Variants in EYS observed in about 807,000 individuals in gnomAD.
EYS encodes EGF-like photoreceptor maintenance factor, also known as protein eyes shut homolog.
Under a neutral mutation model 282.1 loss-of-function variants are expected in EYS, and 250 were observed. The ratio of observed to expected loss-of-function variants is 0.89; its 90% confidence interval spans 0.80 to 0.98. The LOEUF is 0.98. Ranked by LOEUF, EYS falls within the 50% of genes least tolerant of loss-of-function variation. The pLI, the probability that EYS is intolerant of heterozygous loss-of-function variation, is 0.00. For synonymous variants in EYS, 1,355 were observed against 1,282.9 expected (o/e 1.06, Z -1.20); for missense variants, 4,016 against 3,709.0 (o/e 1.08, Z -2.15).
intron 12 of EYS, among the ~76,000 whole-genome samples, chr6:65,269,933 T>C (rs1267468410): frequency 6.6e-6 from 1 of 151,976 alleles, no homozygotes; most frequent in African/African-American, 2.4e-5. Flanking sequence ...TTTCTATTCT[T>C]CCCCCCAAAT....
At chr6:65,373,141 C>A (rs1015885956) in intron 8 of EYS, among the ~76,000 whole-genome samples, 7 of 152,100 alleles carry the variant, frequency 4.6e-5, no homozygotes, top group African/African-American at 1.7e-4. Context: ...TAAACTTGGT[C>A]TTAAGTTAAA....
At chr6:64,753,764 T>G (rs1213261156) in intron 22 of EYS, among the ~76,000 whole-genome samples, 1 of 151,960 alleles carries the variant, frequency 6.6e-6, no homozygotes, top group African/African-American at 2.4e-5. Flanking sequence ...ACCTAATAGA[T>G]GTCTACAGAA....
intron 33 of EYS, among the ~76,000 whole-genome samples, chr6:64,029,639 C>G (rs751515488): frequency 2.0e-5 from 3 of 152,210 alleles, no homozygotes; most frequent in Non-Finnish European, 2.9e-5. Flanking sequence ...TAGAAGTCCC[C>G]TTAACTAATC....
intron 22 of EYS, among the ~76,000 whole-genome samples, chr6:64,695,778 T>C (rs891629232): frequency 1.3e-5 from 2 of 151,420 alleles, no homozygotes; most frequent in African/African-American, 4.9e-5. Context: ...AGAGATGGGG[T>C]TTCACTATGT....
chr6:64,886,669 G>C (rs1227775162), intron 19 of EYS, 28 bp downstream of exon 19: 2 of 1,495,784 alleles, frequency 1.3e-6, no homozygotes, highest in East Asian at 5.3e-5. Flanking sequence ...GAAATATGTT[G>C]CTGCACATGG....
Position 63,911,221 on chromosome 6 carries a change from C to T in EYS, c.7056-46863G>A, listed in dbSNP as rs1164543790. Among the ~76,000 whole-genome samples, 24 of 151,942 alleles carry T rather than the reference C, an allele frequency of 1.6e-4. No homozygotes were observed. In the South Asian group the frequency reaches 4.0e-3, roughly 25 times the overall value. On this transcript the variant is annotated intron_variant, in intron 35 of 42. Transcript: ENST00000503581. Reference sequence around the variant, plus strand: ...CTTTATCAGCTCCATTAGCAGTTGACGCCAATAAAAATCTGAGGTCAACTT... The same window carrying T: ...CTTTATCAGCTCCATTAGCAGTTGATGCCAATAAAAATCTGAGGTCAACTT...
chr6:64,201,600 G>A (rs1005308769), intron 31 of EYS, among the ~76,000 whole-genome samples: 9 of 151,912 alleles, frequency 5.9e-5, no homozygotes, highest in East Asian at 3.9e-4. Flanking sequence ...GCCCTATTAC[G>A]TTGAAAAAAA....
intron 22 of EYS, among the ~76,000 whole-genome samples, chr6:64,691,708 G>A (rs1287219671): frequency 6.6e-6 from 1 of 152,052 alleles, no homozygotes; most frequent in Non-Finnish European, 1.5e-5. Flanking sequence ...ATGTCAATGT[G>A]TGTTCAATGT....
At chr6:64,644,306 AT>A (rs1298670671) in intron 22 of EYS, among the ~76,000 whole-genome samples, 11 of 65,864 alleles carry the variant, frequency 1.7e-4, no homozygotes, top group African/African-American at 5.5e-4. Flanking sequence ...ATATGACTTA[AT>A]TAGGCAGAGT....
chr6:64,150,502 C>T (rs61214581), intron 31 of EYS, among the ~76,000 whole-genome samples: 5,532 of 151,964 alleles, frequency 0.036, 307 homozygotes, highest in African/African-American at 0.13. Context: ...AAATGTACTA[C>T]GAAATATTTT....
At chr6:65,429,037 G>A (rs1012448951) in intron 5 of EYS, among the ~76,000 whole-genome samples, 1 of 151,970 alleles carries the variant, frequency 6.6e-6, no homozygotes, top group Non-Finnish European at 1.5e-5. Context: ...AAAATTAGCC[G>A]GGCATGGTGG....
chr6:63,724,362 A>G (rs530836296), intron 42 of EYS, among the ~76,000 whole-genome samples: 1 of 152,282 alleles, frequency 6.6e-6, no homozygotes, highest in Admixed American at 6.5e-5. Context: ...TATCAGGGGA[A>G]TTGTATATAC....
At chr6:64,073,842 C>T (rs1771675195) in intron 32 of EYS, among the ~76,000 whole-genome samples, 1 of 151,404 alleles carries the variant, frequency 6.6e-6, no homozygotes, top group Admixed American at 6.6e-5. Context: ...TGGAACATTT[C>T]CCCCATAATG....
At chr6:65,641,466 T>C (rs1050950322) in intron 1 of EYS, among the ~76,000 whole-genome samples, 4 of 152,220 alleles carry the variant, frequency 2.6e-5, no homozygotes, top group African/African-American at 9.6e-5. Context: ...TGTCCACCCA[T>C]ACTGGTTCTT....
intron 35 of EYS, among the ~76,000 whole-genome samples, chr6:63,896,695 T>C (rs941984560): frequency 3.1e-4 from 47 of 152,238 alleles, no homozygotes; most frequent in Admixed American, 1.3e-4. Flanking sequence ...CAAAATTCTC[T>C]GTGCTCTGCC....
intron 7 of EYS, among the ~76,000 whole-genome samples, chr6:65,398,184 A>C (rs1766361204): frequency 6.6e-6 from 1 of 151,978 alleles, no homozygotes; most frequent in South Asian, 2.1e-4. Flanking sequence ...TTCCTTGAAA[A>C]TGTTTCTCCT....
chr6:64,469,257 T>C (rs983116315), intron 26 of EYS, among the ~76,000 whole-genome samples: 3 of 152,134 alleles, frequency 2.0e-5, no homozygotes, highest in Non-Finnish European at 2.9e-5. Flanking sequence ...GCTAAGCAAC[T>C]CTAATAATAA....
chr6:64,077,464 C>A (rs1446842625), intron 32 of EYS, among the ~76,000 whole-genome samples: 1 of 151,904 alleles, frequency 6.6e-6, no homozygotes, highest in East Asian at 1.9e-4. Context: ...TCCATAAATG[C>A]AAATGAAGAG....
At chr6:63,878,304 C>T (rs373207645) in intron 35 of EYS, among the ~76,000 whole-genome samples, 18 of 152,292 alleles carry the variant, frequency 1.2e-4, no homozygotes, top group South Asian at 2.1e-4. Context: ...TATTGTAGAA[C>T]GGCAGATGTT....
Sources: allele counts gnomAD v4.1 joint callset (sites outside exome capture counted in the v4.1 genomes callset), GRCh38; gene constraint gnomAD v4.1.1; transcripts MANE v1.5; gene names NCBI Gene and HGNC (gene_info 2026-07-23, HGNC 2026-07-21).